Variants in WAPL observed in about 807,000 individuals in gnomAD.
The protein encoded by WAPL is wings apart-like protein homolog.
In WAPL, 5 loss-of-function variants were observed where a neutral mutation model predicts 121.0. That is an observed-to-expected ratio of 0.04 (90% CI 0.02 to 0.09). The LOEUF (loss-of-function observed/expected upper bound fraction) is 0.09, where lower values mean the gene tolerates loss of function less well. Among genes scored for constraint, WAPL ranks in the 10% least tolerant of loss-of-function variants. WAPL has a pLI of 1.00. For missense variants in WAPL, 999 were observed against 1,410.8 expected (o/e 0.71, Z 4.68); for synonymous variants, 480 against 481.5 (o/e 1.00, Z 0.04).
At chr10:86,478,746 A>C (rs1343289070) in intron 4 of WAPL, among the ~76,000 whole-genome samples, 1 of 152,196 alleles carries the variant, frequency 6.6e-6, no homozygotes, top group African/African-American at 2.4e-5. Flanking sequence ...TGGTTTTTAC[A>C]ATAACACCAC....
Position 86,500,256 on chromosome 10 carries a change from C to T in WAPL, c.987G>A (p.Ser329=), listed in dbSNP as rs746999780. ...TTGCCTGATTCAGGCCATCTTTACT[C>T]GATTCACTGTTTGCTTTGGCTAAGG... is the stretch of plus-strand genomic sequence containing the variant. ...SQALAKANSE[S]SKDGLNQAKK... The change falls in exon 3 of 19, where the codon TCG becomes TCA. Residue 329 remains serine (S), a synonymous_variant. Coordinates refer to ENST00000298767, the MANE Select transcript of WAPL (RefSeq NM_015045.5). 1.1e-5 allele frequency: 18 copies of T among 1,614,062 alleles called. No individual in the cohort carries two copies. The highest frequency in any genetic ancestry group is 1.4e-5 in the Non-Finnish European group (17 of 1,180,042).
At chr10:86,471,958 T>A (rs1195319719) in intron 7 of WAPL, among the ~76,000 whole-genome samples, 1 of 152,116 alleles carries the variant, frequency 6.6e-6, no homozygotes, top group African/African-American at 2.4e-5. Context: ...GCGTAATTTT[T>A]TTTTTTTTTT....
chr10:86,495,573 T>C (rs1017635102), intron 4 of WAPL, among the ~76,000 whole-genome samples: 5 of 151,896 alleles, frequency 3.3e-5, no homozygotes, highest in Admixed American at 6.6e-5. Context: ...CTATGAATTA[T>C]AGGAAAAAAA....
At chr10:86,476,667 C>T (rs1479529163) in intron 4 of WAPL, among the ~76,000 whole-genome samples, 3 of 143,984 alleles carry the variant, frequency 2.1e-5, no homozygotes, top group Non-Finnish European at 4.5e-5. Flanking sequence ...CCAGCCTGGG[C>T]GACAAAGCGA....
intron 2 of WAPL, among the ~76,000 whole-genome samples, chr10:86,508,338 C>T (rs1842390631): frequency 6.6e-6 from 1 of 152,160 alleles, no homozygotes; most frequent in African/African-American, 2.4e-5. Flanking sequence ...CCACTAAGCT[C>T]ATCTTTTTAC....
In WAPL at chr10:86,435,335, C is replaced by A. The variant is rs1294805644; in HGVS notation, c.*2208G>T. On this transcript the variant is annotated 3_prime_UTR_variant, in exon 19 of 19. Coordinates refer to ENST00000298767, the MANE Select transcript of WAPL (RefSeq NM_015045.5). ...ACATACTTCATGAAACTGGTACAAA[C>A]TATTTTTTCCTGCCGTTGGCTTTTG... is the stretch of plus-strand genomic sequence containing the variant. The A allele has an allele frequency of 6.6e-6, 1 of 152,606 alleles. No homozygotes were observed. The highest frequency in any genetic ancestry group is 1.5e-5 in the Non-Finnish European group (1 of 68,040). The allele number at this position is 152,606 out of a possible 1,614,324, so 9.5% of individuals were successfully genotyped here. A position where few individuals can be genotyped will look rare whatever the true frequency, so the allele number is the denominator to read the frequency against.
chr10:86,511,652 G>A (rs563236956), intron 2 of WAPL, among the ~76,000 whole-genome samples: 1 of 152,220 alleles, frequency 6.6e-6, no homozygotes, highest in Admixed American at 6.5e-5. Flanking sequence ...GAAATAACAG[G>A]GCCGGGCACA....
At position 86,467,456 on chromosome 10, in the gene WAPL, A is replaced by G; in HGVS notation, c.2193T>C (p.Arg731=). The G allele has an allele frequency of 6.2e-7, 1 of 1,614,014 alleles. No individual in the cohort carries two copies. Among genetic ancestry groups the G allele is most frequent in the Non-Finnish European group, 8.5e-7 (1 of 1,180,008 alleles). ...AALMYILSRD[R]LNMDLDRASL... ...TAGCTCTATCAAGATCCATGTTCAAACGATCTCTACTCAGTATATACATGA... is the reference window on the plus strand; with the variant it reads ...TAGCTCTATCAAGATCCATGTTCAAGCGATCTCTACTCAGTATATACATGA... The change falls in exon 9 of 19, where the codon CGT becomes CGC. Residue 731 remains arginine, a synonymous_variant. Transcript: ENST00000298767.
intron 12 of WAPL, among the ~76,000 whole-genome samples, chr10:86,456,820 G>T (rs1417529894): frequency 2.6e-5 from 4 of 152,144 alleles, no homozygotes; most frequent in Admixed American, 1.3e-4. Context: ...ACAAAAGGAG[G>T]TTCAGCATAT....
chr10:86,466,100 G>C (rs927748259), intron 9 of WAPL, among the ~76,000 whole-genome samples: 1 of 152,068 alleles, frequency 6.6e-6, no homozygotes, highest in Non-Finnish European at 1.5e-5. Context: ...CTCACACATG[G>C]GGCATTGTGA....
At chr10:86,519,103 C>T (rs115000167) in intron 1 of WAPL, among the ~76,000 whole-genome samples, 64 of 151,480 alleles carry the variant, frequency 4.2e-4, no homozygotes, top group African/African-American at 1.5e-3. Flanking sequence ...AATGGCAAAT[C>T]GATTCACCTG....
chr10:86,467,533 A>C (rs751737275), intron 8 of WAPL, 27 bp from the exon 9 acceptor site: 4 of 1,562,632 alleles, frequency 2.6e-6, no homozygotes, highest in South Asian at 1.2e-5. Flanking sequence ...AAAGAAAAGA[A>C]AAAAAACTTC....
At chr10:86,496,411 T>C (rs1842151475) in intron 4 of WAPL, among the ~76,000 whole-genome samples, 1 of 151,912 alleles carries the variant, frequency 6.6e-6, no homozygotes, top group Non-Finnish European at 1.5e-5. Context: ...AGGCCTACCA[T>C]ACTGACCCAG....
intron 15 of WAPL, among the ~76,000 whole-genome samples, chr10:86,447,989 A>G (rs962959105): frequency 1.3e-5 from 2 of 152,128 alleles, no homozygotes; most frequent in African/African-American, 2.4e-5. Context: ...CAGGGGTTGC[A>G]GTAAGCTGAG....
chr10:86,488,682 T>C (rs1006778324), intron 4 of WAPL: 1 of 152,056 alleles, frequency 6.6e-6, no homozygotes, highest in Non-Finnish European at 1.5e-5. Context: ...CAGTAACAAA[T>C]GACTGAATAA....
chr10:86,456,329 G>A (rs1368419910), intron 12 of WAPL, among the ~76,000 whole-genome samples: 2 of 149,278 alleles, frequency 1.3e-5, no homozygotes, highest in Admixed American at 6.7e-5. Flanking sequence ...ATTGCATGAT[G>A]ATCAGAATAA....
At position 86,500,419 on chromosome 10, in the gene WAPL, A is replaced by T. The variant is rs769672324; in HGVS notation, c.824T>A (p.Leu275Gln). The change falls in exon 3 of 19, where the codon CTG (leucine) becomes CAG (glutamine). Residue 275 changes from leucine (L) to glutamine (Q), a missense_variant. Physicochemically the swap from Leu to Gln is moderately radical, Grantham distance 113 (BLOSUM62 -2). Transcript: ENST00000298767. ...AATATCTTCCTCAATGGCTTCATTC[A>T]GATTTTCCAATCGATTTTTAAAATC... ...DDDFKNRLEN[L>Q]NEAIEEDIVQ... 1.2e-6 allele frequency: 2 copies of T among 1,614,254 alleles called. No individual in the cohort carries two copies. Among genetic ancestry groups the T allele is most frequent in the Non-Finnish European group, 1.7e-6 (2 of 1,180,052 alleles).
At chr10:86,477,744 T>C (rs1381414935) in intron 4 of WAPL, among the ~76,000 whole-genome samples, 1 of 152,096 alleles carries the variant, frequency 6.6e-6, no homozygotes, top group East Asian at 1.9e-4. Flanking sequence ...GAGGCTGCAG[T>C]GAGCCAAGAT....
chr10:86,476,651 T>C lies in WAPL; in HGVS notation c.1645-2678A>G, dbSNP rs1589516473. Among the ~76,000 whole-genome samples, 6 of 149,372 alleles carry C rather than the reference T, an allele frequency of 4.0e-5. 1 individual carries two copies. The South Asian group carries it at 1.3e-3, about 32-fold the overall frequency. On this transcript the variant is annotated intron_variant, in intron 4 of 18. Transcript: ENST00000298767. ...TTGCAGTGAGCCGAGATTGCGCCAC[T>C]GCACTCCAGCCTGGGCGACAAAGCG...
Sources: allele counts gnomAD v4.1 joint callset (sites outside exome capture counted in the v4.1 genomes callset), GRCh38; gene constraint gnomAD v4.1.1; transcripts MANE v1.5; gene names NCBI Gene and HGNC (gene_info 2026-07-23, HGNC 2026-07-21).